The following ADARB1 variants were observed in gnomAD, a reference collection of about 807,000 sequenced individuals.
ADARB1 encodes the protein double-stranded RNA-specific editase 1.
In ADARB1, 10 loss-of-function variants were observed where a neutral mutation model predicts 52.4. That is an observed-to-expected ratio of 0.19 (90% CI 0.12 to 0.32). ADARB1 has a LOEUF of 0.32. ADARB1 is among the 10% of genes least tolerant of loss of function. ADARB1 has a pLI of 1.00. For synonymous variants in ADARB1, 349 were observed against 371.1 expected (o/e 0.94, Z 0.68); for missense variants, 643 against 922.3 (o/e 0.70, Z 3.92).
rs545971510 is a variant in ADARB1, at chr21:45,142,733, G to C, written c.-48+14160G>C. Among the ~76,000 whole-genome samples, 2 of 152,172 alleles carry C rather than the reference G, an allele frequency of 1.3e-5. No individual in the cohort carries two copies. The highest frequency in any genetic ancestry group is 4.1e-4 in the South Asian group (2 of 4,828). ...GTGCAGCTGCTGCGGCCTAAGCGGC[G>C]TCCTTGCTTGGTCCCCCCATGAACT... On this transcript the variant is annotated intron_variant, in intron 2 of 10. Coordinates refer to ENST00000348831, the MANE Select transcript of ADARB1 (RefSeq NM_001112.4). This position sits in a 1 kb window ranked among gnomAD's most constrained non-coding sequence, Gnocchi z 4.0.
At chr21:45,075,666 G>A (rs1358784583) in intron 1 of ADARB1, among the ~76,000 whole-genome samples, 1 of 152,220 alleles carries the variant, frequency 6.6e-6, no homozygotes, top group Non-Finnish European at 1.5e-5. Flanking sequence ...AGATTGGGCT[G>A]TGGACGCTGA....
At chr21:45,198,813 C>A (rs892978412) in intron 8 of ADARB1, among the ~76,000 whole-genome samples, 4 of 152,204 alleles carry the variant, frequency 2.6e-5, no homozygotes, top group African/African-American at 9.7e-5. Flanking sequence ...TATACACTTA[C>A]ATTATCTTTA....
At chr21:45,123,437 G>A (rs1332286390) in intron 1 of ADARB1, among the ~76,000 whole-genome samples, 1 of 152,168 alleles carries the variant, frequency 6.6e-6, no homozygotes, top group Non-Finnish European at 1.5e-5. Context: ...CAGAGCAGTT[G>A]GGATTACAGA....
chr21:45,153,680 C>CT (rs1258252227), intron 2 of ADARB1, among the ~76,000 whole-genome samples: 1 of 152,224 alleles, frequency 6.6e-6, no homozygotes, highest in East Asian at 1.9e-4. Context: ...GTGACAGCAC[C>CT]TAATGGAAGT....
rs538855977 is a variant in ADARB1 at position 45,121,301 on chromosome 21, G to A, written c.-219-7101G>A. ...CAGTTCTTCTGGAATGTGTCCCTTA[G>A]GATTAACTATCTCAGGTGTGATTTG... On this transcript the variant is annotated intron_variant, in intron 1 of 10. Coordinates refer to ENST00000348831, the MANE Select transcript of ADARB1 (RefSeq NM_001112.4). Among the ~76,000 whole-genome samples, 11 of 152,264 alleles carry A rather than the reference G, an allele frequency of 7.2e-5. No homozygotes were observed. The East Asian group carries it at 2.1e-3, about 29-fold the overall frequency.
chr21:45,162,037 G>A (rs2090999200), intron 2 of ADARB1, among the ~76,000 whole-genome samples: 1 of 152,126 alleles, frequency 6.6e-6, no homozygotes, highest in African/African-American at 2.4e-5. Flanking sequence ...CTGAATGGCA[G>A]GTCTGAAAGA....
Position 45,222,010 on chromosome 21 carries a change from C to A in ADARB1, c.1927-8C>A. On this transcript the variant is annotated splice_region_variant and splice_polypyrimidine_tract_variant and intron_variant, in intron 10 of 10. Transcript: ENST00000348831. ...AACAGTTGCATTTGTTTTTTTATCCCTTCACAGGTTCCCTCCCACTTACTA... is the reference window on the plus strand; with the variant it reads ...AACAGTTGCATTTGTTTTTTTATCCATTCACAGGTTCCCTCCCACTTACTA... 1 of 1,612,950 alleles carries A rather than the reference C, an allele frequency of 6.2e-7. No homozygotes were observed. Among genetic ancestry groups the A allele is most frequent in the South Asian group, 1.1e-5 (1 of 91,006 alleles).
intron 1 of ADARB1, among the ~76,000 whole-genome samples, chr21:45,100,110 A>G (rs2086935616): frequency 6.6e-6 from 1 of 152,242 alleles, no homozygotes. Flanking sequence ...TTAAAAATAT[A>G]TGTTTAAAAA....
rs113828132 is a variant in ADARB1, at chr21:45,221,731, C to T, written c.1927-287C>T. On this transcript the variant is annotated intron_variant, in intron 10 of 10. Coordinates refer to ENST00000348831, the MANE Select transcript of ADARB1 (RefSeq NM_001112.4). This position sits in a 1 kb window ranked among gnomAD's most constrained non-coding sequence, Gnocchi z 4.9. ...GTGCTTCTTAGAGTTAAAAATGAAA[C>T]GTGAATCCACTATTGGTGGTTTCCC... is the stretch of plus-strand genomic sequence containing the variant. 1.7e-4 allele frequency among the ~76,000 whole-genome samples: 26 copies of T among 152,318 alleles called. No homozygotes were observed. Among genetic ancestry groups the T allele is most frequent in the African/African-American group, 3.6e-4 (15 of 41,574 alleles).
intron 8 of ADARB1, among the ~76,000 whole-genome samples, chr21:45,194,078 G>A (rs970059625): frequency 6.6e-6 from 1 of 152,174 alleles, no homozygotes; most frequent in African/African-American, 2.4e-5. Context: ...TTTCAAGATA[G>A]TAATTAAGAA....
intron 2 of ADARB1, among the ~76,000 whole-genome samples, chr21:45,138,149 TAGG>T (rs774054053): frequency 6.6e-6 from 1 of 152,196 alleles, no homozygotes; most frequent in Non-Finnish European, 1.5e-5. Flanking sequence ...TGCAACATAA[TAGG>T]AGCTTAACCA....
At chr21:45,094,185 A>G (rs2086666004) in intron 1 of ADARB1, among the ~76,000 whole-genome samples, 1 of 152,232 alleles carries the variant, frequency 6.6e-6, no homozygotes, top group South Asian at 2.1e-4. Flanking sequence ...AGAAACATTC[A>G]AAAGCATTTT....
intron 1 of ADARB1, among the ~76,000 whole-genome samples, chr21:45,127,927 T>C (rs116097805): frequency 1.1e-3 from 160 of 152,370 alleles, no homozygotes; most frequent in African/African-American, 3.6e-3. Context: ...ATGGAGATAC[T>C]GTTTCACAAC....
chr21:45,141,989 C>G (rs1235703318), intron 2 of ADARB1, among the ~76,000 whole-genome samples: 5 of 152,072 alleles, frequency 3.3e-5, no homozygotes, highest in Admixed American at 1.3e-4. Flanking sequence ...ACCTTAGTCA[C>G]TCATGGTCAG....
Position 45,142,614 on chromosome 21 carries a change from C to T in ADARB1, c.-48+14041C>T, listed in dbSNP as rs2145903448. ...ATTTGGAGTGGATCCTAGCACATGG[C>T]CACCATGTGACCTTGGGCAGTGACT... On this transcript the variant is annotated intron_variant, in intron 2 of 10. Transcript: ENST00000348831. This position sits in a 1 kb window ranked among gnomAD's most constrained non-coding sequence, Gnocchi z 4.0. 6.6e-6 allele frequency among the ~76,000 whole-genome samples: 1 copy of T among 152,280 alleles called. No homozygotes were observed. The highest frequency in any genetic ancestry group is 1.5e-5 in the Non-Finnish European group (1 of 68,014).
chr21:45,185,346 T>C (rs2092067912), intron 8 of ADARB1, among the ~76,000 whole-genome samples: 1 of 152,244 alleles, frequency 6.6e-6, no homozygotes, highest in African/African-American at 2.4e-5. Flanking sequence ...TTACCACTTA[T>C]TTTTAACGTG....
At chr21:45,155,091 T>C (rs540917384) in intron 2 of ADARB1, among the ~76,000 whole-genome samples, 135 of 152,358 alleles carry the variant, frequency 8.9e-4, no homozygotes, top group African/African-American at 3.2e-3. Context: ...CCCTATGTGA[T>C]AACATCCTTA....
chr21:45,110,980 G>T (rs2087506970), intron 1 of ADARB1, among the ~76,000 whole-genome samples: 5 of 152,158 alleles, frequency 3.3e-5, no homozygotes, highest in Admixed American at 3.3e-4. Context: ...GAGGGCTGGG[G>T]TGCTCCTTCG....
At position 45,225,877 on chromosome 21, in the gene ADARB1, C is replaced by T. The variant is rs1485399613; in HGVS notation, c.*3680C>T. 2.5e-5 allele frequency: 7 copies of T among 279,474 alleles called. No individual in the cohort carries two copies. The highest frequency in any genetic ancestry group is 6.0e-5 in the East Asian group (1 of 16,736). The allele number at this position is 279,474 out of a possible 1,614,324, so 17.3% of individuals were successfully genotyped here. On this transcript the variant is annotated 3_prime_UTR_variant, in exon 11 of 11. Transcript: ENST00000348831. Reference sequence around the variant, plus strand: ...AGTTTACAGCGTCTCTGCCCCCTAGCGTGTTTTGTGACAATCTCCCTGGGT... The same window carrying T: ...AGTTTACAGCGTCTCTGCCCCCTAGTGTGTTTTGTGACAATCTCCCTGGGT...
Sources: gnomAD v4.1 joint callset for allele counts (sites outside exome capture counted in the v4.1 genomes callset) on GRCh38, gnomAD v4.1.1 for gene constraint, Gnocchi (gnomAD v3.1) non-coding constraint, MANE v1.5 for transcripts, NCBI Gene and HGNC (gene_info 2026-07-23, HGNC 2026-07-21) for gene names.